DHRSX: variants seen among roughly 807,000 people sequenced by gnomAD.
The protein encoded by DHRSX is polyprenol dehydrogenase.
A neutral mutation model predicts 34.0 loss-of-function variants in DHRSX; 31 were observed. The observed-to-expected ratio is 0.91, with a 90% confidence interval of 0.69 to 1.23. The LOEUF is 1.23. DHRSX is among the 50% of genes most tolerant of loss of function. DHRSX has a pLI of 0.00. For synonymous variants in DHRSX, 201 were observed against 183.8 expected (o/e 1.09, Z -0.76); for missense variants, 414 against 428.1 (o/e 0.97, Z 0.29).
chrX:2,451,062 G>C (rs1214323348), intron 1 of DHRSX, among the ~76,000 whole-genome samples: 1 of 152,008 alleles, frequency 6.6e-6, no homozygotes, highest in African/African-American at 2.4e-5. Context: ...AACTGTGAGT[G>C]ACAAATGTCT....
intron 1 of DHRSX, among the ~76,000 whole-genome samples, chrX:2,472,545 G>A (rs2044609319): frequency 1.3e-5 from 2 of 152,094 alleles, no homozygotes; most frequent in Non-Finnish European, 2.9e-5. Flanking sequence ...CAAGATGGGT[G>A]GATCACTTGA....
intron 4 of DHRSX, among the ~76,000 whole-genome samples, chrX:2,289,810 G>C (rs2041845808): frequency 6.6e-6 from 1 of 152,224 alleles, no homozygotes; most frequent in African/African-American, 2.4e-5. Context: ...ATTTATGCCT[G>C]CGTAGAAACT....
At chrX:2,431,879 A>C (rs1383999094) in intron 1 of DHRSX, among the ~76,000 whole-genome samples, 2 of 152,142 alleles carry the variant, frequency 1.3e-5, no homozygotes, top group Admixed American at 6.5e-5. Context: ...ACAAACCTGC[A>C]CATGTACCCC....
chrX:2,302,732 T>C (rs2042028440), intron 3 of DHRSX, among the ~76,000 whole-genome samples: 1 of 152,164 alleles, frequency 6.6e-6, no homozygotes, highest in South Asian at 2.1e-4. Flanking sequence ...TGAGACATGT[T>C]CAGAAATTGA....
chrX:2,258,453 C>A (rs1325295461), intron 5 of DHRSX, among the ~76,000 whole-genome samples: 2 of 151,664 alleles, frequency 1.3e-5, no homozygotes, highest in African/African-American at 2.4e-5. Context: ...GTGATAGCAG[C>A]CTGAAATGGG....
intron 3 of DHRSX, among the ~76,000 whole-genome samples, chrX:2,326,170 C>T (rs780906393): frequency 6.6e-6 from 1 of 152,248 alleles, no homozygotes; most frequent in African/African-American, 2.4e-5. Flanking sequence ...ACCTGATGGA[C>T]ACATTTGCAG....
At chrX:2,452,040 T>C (rs1007328532) in intron 1 of DHRSX, among the ~76,000 whole-genome samples, 5 of 150,740 alleles carry the variant, frequency 3.3e-5, no homozygotes, top group Non-Finnish European at 5.9e-5. Context: ...ACTGCCGCCA[T>C]ATACACACTG....
intron 1 of DHRSX, among the ~76,000 whole-genome samples, chrX:2,480,409 C>T (rs945922140): frequency 1.4e-4 from 21 of 150,372 alleles, no homozygotes; most frequent in Non-Finnish European, 2.5e-4. Flanking sequence ...AGGCCAGGAG[C>T]GGTGGCTCAT....
intron 3 of DHRSX, among the ~76,000 whole-genome samples, chrX:2,320,178 A>G (rs2042291259): frequency 6.6e-6 from 1 of 151,562 alleles, no homozygotes; most frequent in Non-Finnish European, 1.5e-5. Context: ...TTTACATCTC[A>G]GTGTCCCTCA....
At chrX:2,473,349 C>T (rs5983025) in intron 1 of DHRSX, among the ~76,000 whole-genome samples, 2 of 151,934 alleles carry the variant, frequency 1.3e-5, no homozygotes, top group Non-Finnish European at 2.9e-5. Context: ...CGCCGCCAGG[C>T]GCGGGGGCTC....
chrX:2,483,649 C>T (rs375279895), intron 1 of DHRSX, among the ~76,000 whole-genome samples: 25 of 152,128 alleles, frequency 1.6e-4, no homozygotes, highest in East Asian at 1.5e-3. Flanking sequence ...ACACAGATTA[C>T]TGAATTCCAG....
chrX:2,489,204 C>A, intron 1 of DHRSX: 1 of 1,613,828 alleles, frequency 6.2e-7, no homozygotes, highest in Non-Finnish European at 8.5e-7. Context: ...TTGACCTTGT[C>A]CAGCAGGCCC....
intron 1 of DHRSX, among the ~76,000 whole-genome samples, chrX:2,450,701 T>C (rs1479165473): frequency 6.6e-6 from 1 of 151,354 alleles, no homozygotes; most frequent in Non-Finnish European, 1.5e-5. Context: ...GGTTTCTGTG[T>C]CTCCTCCTTC....
rs1397178612 is a variant in DHRSX, at chrX:2,371,171, CT to C, written c.286+37573del. Among the ~76,000 whole-genome samples, 10 of 151,810 alleles carry C rather than the reference CT, an allele frequency of 6.6e-5. No homozygotes were observed. The East Asian group carries it at 1.2e-3, about 18-fold the overall frequency. ...CCCTCCTCCATTACCGTAGTCCCTC[CT>C]TCCGTTACCATAGACCCTCCTCCGT... On this transcript the variant is annotated intron_variant, in intron 3 of 6. Transcript: ENST00000334651.
chrX:2,499,965 C>G (rs2045375206), intron 1 of DHRSX, among the ~76,000 whole-genome samples: 1 of 152,128 alleles, frequency 6.6e-6, no homozygotes, highest in Non-Finnish European at 1.5e-5. Context: ...ACTGCTTGAG[C>G]CCAGGAGTTC....
At chrX:2,296,927 T>C in intron 3 of DHRSX, among the ~76,000 whole-genome samples, 1 of 62,380 alleles carries the variant, frequency 1.6e-5, no homozygotes, top group Non-Finnish European at 2.7e-5. Context: ...CAGATAGGAA[T>C]AGGACCCAGG....
At chrX:2,223,299 C>G (rs1217823742) in intron 6 of DHRSX, among the ~76,000 whole-genome samples, 2 of 152,220 alleles carry the variant, frequency 1.3e-5, no homozygotes, top group Non-Finnish European at 2.9e-5. Context: ...CACACACTCT[C>G]TTGCCTGCTG....
intron 1 of DHRSX, among the ~76,000 whole-genome samples, chrX:2,466,266 C>G: frequency 6.6e-6 from 1 of 152,158 alleles, no homozygotes; most frequent in South Asian, 2.1e-4. Flanking sequence ...TGGAGAAGCC[C>G]CGTCTCTACT....
At chrX:2,434,904 G>A (rs892796292) in intron 1 of DHRSX, among the ~76,000 whole-genome samples, 1 of 152,116 alleles carries the variant, frequency 6.6e-6, no homozygotes, top group African/African-American at 2.4e-5. Flanking sequence ...CAACAACTTG[G>A]ATGGCTCTCC....
Sources: gnomAD v4.1 joint callset for allele counts (sites outside exome capture counted in the v4.1 genomes callset) on GRCh38, gnomAD v4.1.1 for gene constraint, MANE v1.5 for transcripts, NCBI Gene and HGNC (gene_info 2026-07-23, HGNC 2026-07-21) for gene names.